CALN1: variants seen among roughly 807,000 people sequenced by gnomAD.
The protein encoded by CALN1 is calneuron 1.
CALN1 carries 17 observed loss-of-function variants against 30.6 expected under a neutral mutation model. The observed-to-expected ratio is 0.56, with a 90% CI of 0.38 to 0.83. The LOEUF (loss-of-function observed/expected upper bound fraction) is 0.83. CALN1 is among the 40% of genes least tolerant of loss of function. The probability of loss-of-function intolerance (pLI) is 0.00; values close to 1 mark genes in which losing one functional copy is unlikely to be tolerated. For synonymous variants in CALN1, 156 were observed against 131.4 expected (o/e 1.19, Z -1.28); for missense variants, 291 against 354.9 (o/e 0.82, Z 1.45).
chr7:72,300,436 GA>G (rs72368872), intron 2 of CALN1, among the ~76,000 whole-genome samples: 88 of 148,026 alleles, frequency 5.9e-4, no homozygotes, highest in South Asian at 2.4e-3. Flanking sequence ...ATAAAAACAA[GA>G]AAAAAAAACA....
At chr7:72,227,752 A>G (rs1562767445) in intron 3 of CALN1, among the ~76,000 whole-genome samples, 1 of 152,016 alleles carries the variant, frequency 6.6e-6, no homozygotes, top group African/African-American at 2.4e-5. Flanking sequence ...AAAAGTTACA[A>G]AAAAGGAGAA....
chr7:72,397,210 C>G (rs1366944543), intron 2 of CALN1, among the ~76,000 whole-genome samples: 1 of 152,138 alleles, frequency 6.6e-6, no homozygotes, highest in Non-Finnish European at 1.5e-5. Flanking sequence ...CATACTCAAC[C>G]CATGTAGGAT....
chr7:72,422,999 G>A (rs192789309), intron 1 of CALN1, among the ~76,000 whole-genome samples: 33 of 151,930 alleles, frequency 2.2e-4, no homozygotes, highest in Admixed American at 6.6e-4. Flanking sequence ...CGTGGTCCCA[G>A]CTACTCAGGG....
chr7:72,451,383 G>A (rs1189908008), upstream of CALN1, among the ~76,000 whole-genome samples: 1 of 142,462 alleles, frequency 7.0e-6, no homozygotes, highest in African/African-American at 2.6e-5. Flanking sequence ...GAAAGAAGAA[G>A]GAGGAGGAGG....
At chr7:72,413,863 C>T (rs1188792052), upstream of CALN1, among the ~76,000 whole-genome samples, 2 of 151,416 alleles carry the variant, frequency 1.3e-5, no homozygotes, top group African/African-American at 4.9e-5. Flanking sequence ...CACACACACT[C>T]GTATACACAT....
At chr7:72,137,395 T>C (rs1415296022) in intron 3 of CALN1, among the ~76,000 whole-genome samples, 1 of 152,154 alleles carries the variant, frequency 6.6e-6, no homozygotes, top group African/African-American at 2.4e-5. Flanking sequence ...GATATAATAA[T>C]GAAAGCAAAT....
intron 1 of CALN1, among the ~76,000 whole-genome samples, chr7:72,437,875 C>T (rs757503847): frequency 5.4e-5 from 8 of 146,934 alleles, no homozygotes; most frequent in Admixed American, 2.8e-4. Flanking sequence ...TTTCTTCCTT[C>T]TTTCTTTCCT....
chr7:72,358,405 T>C (rs903189304), intron 2 of CALN1, among the ~76,000 whole-genome samples: 3 of 152,068 alleles, frequency 2.0e-5, no homozygotes, highest in Admixed American at 6.5e-5. Context: ...GGAAAAGGAC[T>C]GTTAGATACA....
rs1792680006 is a variant in CALN1 at position 71,780,895 on chromosome 7, C to T, written c.*6880G>A. 2 of 152,096 alleles carry T rather than the reference C, an allele frequency of 1.3e-5. No individual in the cohort carries two copies. The highest frequency in any genetic ancestry group is 4.8e-5 in the African/African-American group (2 of 41,446). 9.4% of individuals were successfully genotyped at this position (152,096 alleles called of 1,614,324 possible). ...CCCTTTATTTTCACACTTGCCAAGA[C>T]AGACAGAAAGCTCATCTTTGATGCT... On this transcript the variant is annotated 3_prime_UTR_variant, in exon 7 of 7. Transcript: ENST00000395275.
chr7:71,914,948 GA>G (rs1243251906), intron 5 of CALN1, among the ~76,000 whole-genome samples: 5 of 151,882 alleles, frequency 3.3e-5, no homozygotes, highest in African/African-American at 1.2e-4. Context: ...AAGTTTACAA[GA>G]AAAAAAATAA....
intron 5 of CALN1, among the ~76,000 whole-genome samples, chr7:71,830,006 T>C (rs984151326): frequency 2.0e-5 from 3 of 151,658 alleles, no homozygotes; most frequent in African/African-American, 7.3e-5. Flanking sequence ...TCTTTTTCTA[T>C]GTGTGTATGT....
chr7:72,069,910 G>A (rs963259378), intron 4 of CALN1, among the ~76,000 whole-genome samples: 7 of 152,152 alleles, frequency 4.6e-5, no homozygotes, highest in African/African-American at 1.2e-4. Context: ...AGTCAGAAAA[G>A]GGAGGGAGAG....
the CALN1 span, among the ~76,000 whole-genome samples, chr7:72,463,005 C>G: frequency 6.6e-6 from 1 of 152,374 alleles, no homozygotes; most frequent in Admixed American, 6.5e-5. Context: ...GGTACATGCA[C>G]TAGGTGAGGT....
At chr7:72,460,578 G>A in the CALN1 span, among the ~76,000 whole-genome samples, 25 of 152,228 alleles carry the variant, frequency 1.6e-4, no homozygotes, top group Admixed American at 4.6e-4. Flanking sequence ...GTTGCAGTGA[G>A]CCAAGATCAC....
intron 3 of CALN1, among the ~76,000 whole-genome samples, chr7:72,171,505 T>C (rs1040282430): frequency 6.6e-6 from 1 of 152,152 alleles, no homozygotes; most frequent in African/African-American, 2.4e-5. Context: ...TGGTGACTGA[T>C]ATAATTTGTA....
chr7:72,232,989 A>G (rs2129550739), intron 3 of CALN1, among the ~76,000 whole-genome samples: 1 of 152,198 alleles, frequency 6.6e-6, no homozygotes, highest in South Asian at 2.1e-4. Context: ...CATGTTTAGC[A>G]TGTTTCCATA....
At chr7:71,875,532 T>A (rs1205262188) in intron 5 of CALN1, among the ~76,000 whole-genome samples, 2 of 152,136 alleles carry the variant, frequency 1.3e-5, no homozygotes, top group Admixed American at 6.5e-5. Flanking sequence ...TGGGGCATAG[T>A]CATCAATTAT....
chr7:72,227,503 G>A lies in CALN1; in HGVS notation c.244+51183C>T, dbSNP rs142544323. Among the ~76,000 whole-genome samples the A allele has an allele frequency of 4.7e-3, 711 of 151,294 alleles. 4 individuals carry two copies. The highest frequency in any genetic ancestry group is 8.3e-3 in the Non-Finnish European group (565 of 67,884). On this transcript the variant is annotated intron_variant, in intron 3 of 6. Coordinates refer to ENST00000395275, the MANE Select transcript of CALN1 (RefSeq NM_031468.4). ...TGCAGTGAGCCGAGATGGCACCACCGCACTCCAGCCTGGGTGACAGAGAAA... is the reference window on the plus strand; with the variant it reads ...TGCAGTGAGCCGAGATGGCACCACCACACTCCAGCCTGGGTGACAGAGAAA...
At chr7:72,023,632 T>C (rs1360770251) in intron 5 of CALN1, 25 bp downstream of exon 5, 3 of 1,575,010 alleles carry the variant, frequency 1.9e-6, no homozygotes, top group Non-Finnish European at 2.6e-6. Context: ...TCAAACTTAG[T>C]CTGAAAAAAA....
Sources: gnomAD v4.1 joint callset for allele counts (sites outside exome capture counted in the v4.1 genomes callset) on GRCh38, gnomAD v4.1.1 for gene constraint, MANE v1.5 for transcripts, NCBI Gene and HGNC (gene_info 2026-07-23, HGNC 2026-07-21) for gene names.